The following PRMT1 variants were observed in gnomAD, a reference collection of about 807,000 sequenced individuals.
The protein encoded by PRMT1 is protein arginine N-methyltransferase 1.
In PRMT1, 5 loss-of-function variants were observed where a neutral mutation model predicts 47.4. That is an observed-to-expected ratio of 0.11 (90% CI 0.06 to 0.22). The LOEUF is 0.22. PRMT1 is among the 10% of genes least tolerant of loss of function. PRMT1 has a pLI of 1.00. For synonymous variants in PRMT1, 227 were observed against 204.6 expected, an observed-to-expected ratio of 1.11 and a Z score of -0.94; for missense variants, 249 against 518.4, an observed-to-expected ratio of 0.48 and a Z score of 5.05.
chr19:49,685,556 A>AT lies in PRMT1; in HGVS notation c.759+519_759+520insT. The AT allele has an allele frequency of 9.8e-7, 1 of 1,020,748 alleles. No individual in the cohort carries two copies. Among genetic ancestry groups the AT allele is most frequent in the Non-Finnish European group, 1.2e-6 (1 of 851,026 alleles). The allele number at this position is 1,020,748 out of a possible 1,614,324, so 63.2% of individuals were successfully genotyped here. A position where few individuals can be genotyped will look rare whatever the true frequency, so the allele number is the denominator to read the frequency against. Reference sequence around the variant, plus strand: ...TCTGAGACCCTGTTTAAAAAAAAAAAATACGGCGATGAGTATTTGTTGAGC... The same window carrying AT: ...TCTGAGACCCTGTTTAAAAAAAAAAATATACGGCGATGAGTATTTGTTGAGC... On this transcript the variant is annotated intron_variant, in intron 8 of 10. Coordinates refer to ENST00000454376, the MANE Select transcript of PRMT1 (RefSeq NM_001536.6). This position sits in a 1 kb window ranked among gnomAD's most constrained non-coding sequence, Gnocchi z 4.7.
chr19:49,686,341 TG>T (rs1376489604), intron 9 of PRMT1, 98 bp downstream of exon 9: 5 of 1,443,006 alleles, frequency 3.5e-6, no homozygotes, highest in Admixed American at 2.3e-5. Context: ...GAAGGAACCA[TG>T]GGGACACGCG....
At chr19:49,676,510 A>G (rs545947093), upstream of PRMT1, 1 of 152,312 alleles carries the variant, frequency 6.6e-6, no homozygotes, top group East Asian at 1.9e-4. Flanking sequence ...TGGTTTTAAA[A>G]AACTTGGAAT....
chr19:49,687,045 G>C, intron 10 of PRMT1, among the ~76,000 whole-genome samples: 1 of 152,160 alleles, frequency 6.6e-6, no homozygotes, highest in East Asian at 1.9e-4. Flanking sequence ...ATGCCAGTTG[G>C]AGGTGACCTC....
chr19:49,686,583 G>T, intron 9 of PRMT1, 22 bp from the exon 10 acceptor site: 1 of 1,605,208 alleles, frequency 6.2e-7, no homozygotes, highest in South Asian at 1.1e-5. Context: ...GCCGAGGCCG[G>T]CTGACCCGCC....
chr19:49,686,048 C>T (rs1406558243), intron 8 of PRMT1, 45 bp from the exon 9 acceptor site: 4 of 1,584,432 alleles, frequency 2.5e-6, no homozygotes, highest in East Asian at 2.2e-5. Context: ...GGGGATGAAG[C>T]GAGGTGGGGA....
rs2082111155 is a variant in PRMT1, at chr19:49,681,046, T to A, written c.192+458T>A. Among the ~76,000 whole-genome samples the A allele has an allele frequency of 6.6e-6, 1 of 152,254 alleles. No individual in the cohort carries two copies. The highest frequency in any genetic ancestry group is 6.5e-5 in the Admixed American group (1 of 15,282). On this transcript the variant is annotated intron_variant, in intron 3 of 10. Coordinates refer to ENST00000454376, the MANE Select transcript of PRMT1 (RefSeq NM_001536.6). The surrounding 1 kb of genome is among the most constrained non-coding windows in gnomAD (Gnocchi z 4.4). ...TCATAAAATTGTGGCAAAATATGCA[T>A]AAAATTGCCATTTTTTATTTTTAGA...
In PRMT1 at chr19:49,688,085, C is replaced by A. The variant is rs1000295101; in HGVS notation, c.1033-77C>A. ...AGGAAGCTGGAGCCCGGCTCATCGT[C>A]GCATAGCCTGCCTGCACCCGCCCCC... On this transcript the variant is annotated intron_variant, in intron 10 of 10. Coordinates refer to ENST00000454376, the MANE Select transcript of PRMT1 (RefSeq NM_001536.6). The surrounding 1 kb of genome is among the most constrained non-coding windows in gnomAD (Gnocchi z 5.3). 3 of 1,274,920 alleles carry A rather than the reference C, an allele frequency of 2.4e-6. No homozygotes were observed. The highest frequency in any genetic ancestry group is 1.8e-4 in the Middle Eastern group (1 of 5,466). The allele number at this position is 1,274,920 out of a possible 1,614,324, so 79.0% of individuals were successfully genotyped here.
intron 10 of PRMT1, 97 bp downstream of exon 10, chr19:49,686,823 A>AGGGGATGGGGGCAGCCGGGGTG (rs1441740058): frequency 2.4e-4 from 2 of 8,192 alleles, no homozygotes; most frequent in Non-Finnish European, 4.5e-4. Flanking sequence ...CAGCGGGGGT[A>AGGGGATGGGGGCAGCCGGGGTG]GGGGATGGGG....
rs1415330140 is a variant in PRMT1 at position 49,685,164 on chromosome 19, A to G, written c.759+127A>G. 3.2e-6 allele frequency: 5 copies of G among 1,555,136 alleles called. No individual in the cohort carries two copies. The South Asian group carries it at 3.5e-5, about 11-fold the overall frequency. ...GGTCTCAGAGCCTGATCTGCCAGCC[A>G]GAGGTGGTGCTAGAGGCCCAGGAAA... On this transcript the variant is annotated intron_variant, in intron 8 of 10. Coordinates refer to ENST00000454376, the MANE Select transcript of PRMT1 (RefSeq NM_001536.6). This position sits in a 1 kb window ranked among gnomAD's most constrained non-coding sequence, Gnocchi z 4.7.
intron 9 of PRMT1, 22 bp downstream of exon 9, chr19:49,686,265 T>G (rs1599950334): frequency 1.3e-6 from 2 of 1,571,136 alleles, no homozygotes; most frequent in Non-Finnish European, 1.7e-6. Flanking sequence ...CCCACAGGGC[T>G]GGGGGCCGTT....
chr19:49,683,075 CTT>C (rs895708880), intron 5 of PRMT1, among the ~76,000 whole-genome samples: 1 of 143,244 alleles, frequency 7.0e-6, no homozygotes, highest in Non-Finnish European at 1.5e-5. Flanking sequence ...CAGGTGTGAA[CTT>C]TTTTTTTTTT....
Position 49,679,880 on chromosome 19 carries a change from A to T in PRMT1, c.45A>T (p.Val15=). 6.2e-7 allele frequency: 1 copy of T among 1,612,488 alleles called. No homozygotes were observed. The highest frequency in any genetic ancestry group is 1.3e-5 in the African/African-American group (1 of 74,916). ...CTGTTACTCTCTCCTAGAATTTTGT[A>T]GCCACCTTGGCTAATGGGATGAGCC... ...EAANCIMENF[V]ATLANGMSLQ... Residue 15 remains valine, a synonymous_variant, in exon 2 of 11, where the codon GTA becomes GTT. Coordinates refer to ENST00000454376, the MANE Select transcript of PRMT1 (RefSeq NM_001536.6).
intron 1 of PRMT1, chr19:49,677,578 C>G (rs898980505): frequency 1.1e-5 from 4 of 372,326 alleles, no homozygotes; most frequent in Non-Finnish European, 1.4e-5. Flanking sequence ...CCGGCCAGGC[C>G]CCCACGTGGC....
chr19:49,685,937 G>A lies in PRMT1; in HGVS notation c.760-156G>A. ...TTATTGGGAGCCGGATAGGCAGGAT[G>A]CAGAGTGAAGGAGGAGCCGAGGCTG... On this transcript the variant is annotated intron_variant, in intron 8 of 10. Transcript: ENST00000454376. The surrounding 1 kb of genome is among the most constrained non-coding windows in gnomAD (Gnocchi z 4.7). 6.9e-7 allele frequency: 1 copy of A among 1,444,930 alleles called. No homozygotes were observed. 89.5% of individuals were successfully genotyped at this position (1,444,930 alleles called of 1,614,324 possible).
chr19:49,677,951 C>T (rs907550879), intron 1 of PRMT1, among the ~76,000 whole-genome samples: 6 of 152,172 alleles, frequency 3.9e-5, no homozygotes, highest in South Asian at 4.1e-4. Flanking sequence ...CCCGTTTCCC[C>T]TCCCAGAATT....
intron 9 of PRMT1, 144 bp downstream of exon 9, chr19:49,686,387 G>T (rs942892457): frequency 3.5e-5 from 45 of 1,281,456 alleles, no homozygotes; most frequent in Non-Finnish European, 4.7e-5. Flanking sequence ...TAGCAGTCAC[G>T]TGGCCTTGGG....
chr19:49,680,146 T>G lies in PRMT1; in HGVS notation c.90+221T>G. 1 of 1,423,714 alleles carries G rather than the reference T, an allele frequency of 7.0e-7. No individual in the cohort carries two copies. Among genetic ancestry groups the G allele is most frequent in the Non-Finnish European group, 9.7e-7 (1 of 1,031,330 alleles). The allele number at this position is 1,423,714 out of a possible 1,614,324, so 88.2% of individuals were successfully genotyped here. A position where few individuals can be genotyped will look rare whatever the true frequency, so the allele number is the denominator to read the frequency against. ...CCTTAACTCCACCTCCAACCCCCCTTTGCCCTTCCCTGTGTCTGCCCCCAT... is the reference window on the plus strand; with the variant it reads ...CCTTAACTCCACCTCCAACCCCCCTGTGCCCTTCCCTGTGTCTGCCCCCAT... On this transcript the variant is annotated intron_variant, in intron 2 of 10. Transcript: ENST00000454376. This position sits in a 1 kb window ranked among gnomAD's most constrained non-coding sequence, Gnocchi z 4.2.
At chr19:49,677,228 T>G (rs1322944750), upstream of PRMT1, 59 of 1,362,252 alleles carry the variant, frequency 4.3e-5, no homozygotes, top group South Asian at 7.6e-5. Flanking sequence ...CCCGGGGGAG[T>G]GAGGAGAAAG....
upstream of PRMT1, chr19:49,677,130 TA>T: frequency 3.3e-6 from 2 of 606,238 alleles, no homozygotes; most frequent in African/African-American, 3.7e-5. Context: ...TACTAGACGG[TA>T]TTCTCAGACG....
Sources: gnomAD v4.1 joint callset for allele counts (sites outside exome capture counted in the v4.1 genomes callset) on GRCh38, gnomAD v4.1.1 for gene constraint, Gnocchi (gnomAD v3.1) non-coding constraint, MANE v1.5 for transcripts, NCBI Gene and HGNC (gene_info 2026-07-23, HGNC 2026-07-21) for gene names.